SEM1: variants seen among roughly 807,000 people sequenced by gnomAD.
SEM1 encodes 26S proteasome complex subunit SEM1.
A neutral mutation model predicts 12.7 loss-of-function variants in SEM1; 3 were observed. That is an observed-to-expected ratio of 0.24 (90% CI 0.11 to 0.61). The LOEUF (loss-of-function observed/expected upper bound fraction) is 0.61. Among genes scored for constraint, SEM1 ranks in the 20% least tolerant of loss-of-function variants. The probability of loss-of-function intolerance (pLI) is 0.88; values close to 1 mark genes in which losing one functional copy is unlikely to be tolerated. For missense variants in SEM1, 59 were observed against 81.3 expected (o/e 0.73, Z 1.06); for synonymous variants, 30 against 27.8 (o/e 1.08, Z -0.25).
intron 2 of SEM1, among the ~76,000 whole-genome samples, chr7:96,541,762 A>C (rs905495678): frequency 6.6e-6 from 1 of 151,436 alleles, no homozygotes; most frequent in Non-Finnish European, 1.5e-5. Context: ...TCTTGAGCTA[A>C]TTTTTTTATA....
At chr7:96,585,192 G>A (rs1806571260) in intron 2 of SEM1, among the ~76,000 whole-genome samples, 1 of 152,170 alleles carries the variant, frequency 6.6e-6, no homozygotes, top group Non-Finnish European at 1.5e-5. Context: ...CTAACAGACA[G>A]GACCCTCAGC....
intron 2 of SEM1, among the ~76,000 whole-genome samples, chr7:96,585,294 CAGGGACCCAT>C (rs1806580837): frequency 6.6e-6 from 1 of 152,204 alleles, no homozygotes; most frequent in African/African-American, 2.4e-5. Context: ...GGTCAGGGGT[CAGGGACCCAT>C]TGAGGAGGCA....
At chr7:96,552,894 G>C (rs1417679437) in intron 2 of SEM1, among the ~76,000 whole-genome samples, 103 of 149,242 alleles carry the variant, frequency 6.9e-4, no homozygotes, top group Non-Finnish European at 1.2e-3. Flanking sequence ...ATTCTAACTG[G>C]TGTGAGATGG....
chr7:96,603,375 C>T (rs1230389058), intron 2 of SEM1, among the ~76,000 whole-genome samples: 1 of 152,124 alleles, frequency 6.6e-6, no homozygotes, highest in Non-Finnish European at 1.5e-5. Flanking sequence ...GGTTTATGAT[C>T]GTTCTCAAGA....
intron 2 of SEM1, among the ~76,000 whole-genome samples, chr7:96,585,089 C>T (rs937277449): frequency 6.6e-6 from 1 of 152,070 alleles, no homozygotes; most frequent in Non-Finnish European, 1.5e-5. Flanking sequence ...TTTTCCCCAT[C>T]TTTGTGGTTT....
chr7:96,547,244 T>C lies in SEM1; in HGVS notation c.171-40546A>G, dbSNP rs1805130779. Among the ~76,000 whole-genome samples, 4 of 152,196 alleles carry C rather than the reference T, an allele frequency of 2.6e-5. No individual in the cohort carries two copies. In the South Asian group the frequency reaches 8.3e-4, roughly 31 times the overall value. On this transcript the variant is annotated intron_variant and NMD_transcript_variant, in intron 2 of 3. Transcript: ENST00000466986. Reference sequence around the variant, plus strand: ...GTTGATGTTTCCTTCATTGATGGTCTAGAGGACATTTAGGAATCTCTGTCA... The same window carrying C: ...GTTGATGTTTCCTTCATTGATGGTCCAGAGGACATTTAGGAATCTCTGTCA...
intron 2 of SEM1, among the ~76,000 whole-genome samples, chr7:96,590,005 C>CA (rs987514744): frequency 1.9e-4 from 29 of 151,820 alleles, no homozygotes; most frequent in Non-Finnish European, 5.9e-5. Context: ...TACTAGAATG[C>CA]AAAAAAAGGC....
At chr7:96,643,302 A>C (rs1479262360) in intron 2 of SEM1, among the ~76,000 whole-genome samples, 3 of 152,050 alleles carry the variant, frequency 2.0e-5, no homozygotes, top group Non-Finnish European at 4.4e-5. Flanking sequence ...GTATGGCTGC[A>C]TGGTATTCCA....
At chr7:96,501,387 G>A (rs1803532477) in intron 3 of SEM1, among the ~76,000 whole-genome samples, 1 of 152,070 alleles carries the variant, frequency 6.6e-6, no homozygotes. Context: ...TAATTGGCTA[G>A]CCTTCTTCAA....
At chr7:96,586,635 G>A (rs1308972437) in intron 2 of SEM1, among the ~76,000 whole-genome samples, 1 of 152,158 alleles carries the variant, frequency 6.6e-6, no homozygotes, top group African/African-American at 2.4e-5. Flanking sequence ...TTAGTAGCCA[G>A]ATAAAAACTC....
chr7:96,661,925 T>C (rs1390707634), intron 2 of SEM1, among the ~76,000 whole-genome samples: 2 of 148,608 alleles, frequency 1.3e-5, no homozygotes, highest in African/African-American at 5.0e-5. Context: ...GAGGTAGAGG[T>C]TGTGGTGAGC....
intron 2 of SEM1, among the ~76,000 whole-genome samples, chr7:96,654,524 G>GGCAGCAGCAGTGAGCC (rs1809113584): frequency 6.6e-6 from 1 of 151,990 alleles, no homozygotes; most frequent in Non-Finnish European, 1.5e-5. Context: ...TACAATGCTG[G>GGCAGCAGCAGTGAGCC]GCAGCAGCAG....
intron 1 of SEM1, among the ~76,000 whole-genome samples, chr7:96,702,670 T>C (rs1280017064): frequency 2.6e-5 from 4 of 152,200 alleles, no homozygotes; most frequent in Admixed American, 1.3e-4. Flanking sequence ...TGTATTTACA[T>C]AGTTTCAAAG....
At chr7:96,548,955 G>A (rs1049686247) in intron 2 of SEM1, among the ~76,000 whole-genome samples, 1 of 152,084 alleles carries the variant, frequency 6.6e-6, no homozygotes, top group Non-Finnish European at 1.5e-5. Flanking sequence ...ATTGAGACAG[G>A]GAGCGCATGA....
chr7:96,597,898 C>T (rs978555145), intron 2 of SEM1, among the ~76,000 whole-genome samples: 2 of 152,072 alleles, frequency 1.3e-5, no homozygotes, highest in African/African-American at 4.8e-5. Flanking sequence ...TAAACAAACA[C>T]ATATATATAG....
intron 2 of SEM1, among the ~76,000 whole-genome samples, chr7:96,538,587 G>A (rs1804858559): frequency 6.6e-6 from 1 of 151,810 alleles, no homozygotes; most frequent in South Asian, 2.1e-4. Context: ...ATGTCTTGCA[G>A]CTCTTTCAGC....
rs529684684 is a variant in SEM1 at position 96,496,196 on chromosome 7, G to A, written c.12+88C>T. The A allele has an allele frequency of 1.1e-4, 90 of 786,212 alleles. 1 individual carries two copies. The South Asian group carries it at 1.5e-3, about 13-fold the overall frequency. 48.7% of individuals were successfully genotyped at this position (786,212 alleles called of 1,614,324 possible). On this transcript the variant is annotated intron_variant, in intron 1 of 3. Coordinates refer to the SEM1 transcript ENST00000356686. ...AACTCGTTAGATAGTTAAAATCATC[G>A]TCATAGTACACTCAAGGTATACTAA... is the stretch of plus-strand genomic sequence containing the variant.
intron 2 of SEM1, among the ~76,000 whole-genome samples, chr7:96,608,142 C>A (rs1243323921): frequency 6.6e-6 from 1 of 152,032 alleles, no homozygotes; most frequent in African/African-American, 2.4e-5. Flanking sequence ...GAAGTGGATA[C>A]CCGAGATGAT....
intron 2 of SEM1, among the ~76,000 whole-genome samples, chr7:96,629,735 A>G (rs959802461): frequency 7.2e-5 from 11 of 152,090 alleles, no homozygotes; most frequent in African/African-American, 2.7e-4. Context: ...TTAGGTATTC[A>G]TTGTAGTCTT....
Sources: allele counts gnomAD v4.1 joint callset (sites outside exome capture counted in the v4.1 genomes callset), GRCh38; gene constraint gnomAD v4.1.1; transcripts MANE v1.5; gene names NCBI Gene and HGNC (gene_info 2026-07-23, HGNC 2026-07-21).